Variants in NDST3 observed in about 807,000 individuals in gnomAD.
NDST3 encodes N-deacetylase and N-sulfotransferase 3, also known as bifunctional heparan sulfate N-deacetylase/N-sulfotransferase 3.
NDST3 carries 58 observed loss-of-function variants against 96.1 expected under a neutral mutation model. The observed-to-expected ratio is 0.60, with a 90% CI of 0.49 to 0.75. The LOEUF (loss-of-function observed/expected upper bound fraction) is 0.75. Ranked by LOEUF, NDST3 falls within the 30% of genes least tolerant of loss-of-function variation. The pLI is 0.00. For missense variants in NDST3, 788 were observed against 1,034.2 expected (o/e 0.76, Z 3.27); for synonymous variants, 333 against 359.7 (o/e 0.93, Z 0.84).
intron 6 of NDST3, among the ~76,000 whole-genome samples, chr4:118,218,540 C>T (rs937287579): frequency 1.5e-4 from 23 of 151,878 alleles, no homozygotes; most frequent in Non-Finnish European, 1.5e-5. Flanking sequence ...ATGGACTATA[C>T]CTCAAAATAA....
chr4:118,174,506 G>GA (rs2125941334), intron 6 of NDST3, among the ~76,000 whole-genome samples: 1 of 152,198 alleles, frequency 6.6e-6, no homozygotes, highest in South Asian at 2.1e-4. Context: ...TGGCTGGACT[G>GA]TGAACTAACT....
chr4:118,104,123 G>A (rs1245450533), intron 2 of NDST3, among the ~76,000 whole-genome samples: 1 of 152,134 alleles, frequency 6.6e-6, no homozygotes, highest in Non-Finnish European at 1.5e-5. Flanking sequence ...TTAAGGAAAG[G>A]GAGAAAGAAG....
intron 2 of NDST3, among the ~76,000 whole-genome samples, chr4:118,074,931 T>C (rs1363424610): frequency 6.6e-6 from 1 of 152,168 alleles, no homozygotes; most frequent in Non-Finnish European, 1.5e-5. Flanking sequence ...CTTTAAGTTC[T>C]AGGGTACATG....
At chr4:118,052,798 C>T (rs1725155152) in intron 1 of NDST3, among the ~76,000 whole-genome samples, 1 of 151,592 alleles carries the variant, frequency 6.6e-6, no homozygotes, top group Admixed American at 6.6e-5. Context: ...TGTAGAACAC[C>T]CAAATAAAAA....
At chr4:118,091,061 C>CA (rs546381851) in intron 2 of NDST3, among the ~76,000 whole-genome samples, 149 of 136,954 alleles carry the variant, frequency 1.1e-3, no homozygotes, top group African/African-American at 2.3e-3. Context: ...GACTCCATCT[C>CA]AAAAAAAAAA....
At chr4:118,161,219 A>G (rs10033918) in intron 6 of NDST3, among the ~76,000 whole-genome samples, 124,196 of 152,134 alleles carry the variant, frequency 0.82, 52,994 homozygotes, top group South Asian at 0.95. Flanking sequence ...CTGTCTGATC[A>G]TTCCTCTGGA....
chr4:118,253,369 G>A (rs1158670788), intron 12 of NDST3, 130 bp from the exon 13 acceptor site: 1 of 557,140 alleles, frequency 1.8e-6, no homozygotes, highest in South Asian at 3.0e-5. Flanking sequence ...AGTTTCTCTG[G>A]TTATAGATTG....
Position 118,054,117 on chromosome 4 carries a change from G to A in NDST3, c.207G>A (p.Lys69=), listed in dbSNP as rs538112559. The stretch of plus-strand genomic sequence containing the variant: ...AACTAATGGAAGTGAAAGCAATGAA[G>A]CTTTTTGATGCCTCAAGGACAGACC... The part of the protein sequence containing the change: ...PYQLMEVKAM[K]LFDASRTDPT... The change falls in exon 2 of 14, where the codon AAG becomes AAA. Residue 69 remains lysine, a synonymous_variant. Coordinates refer to ENST00000296499, the MANE Select transcript of NDST3 (RefSeq NM_004784.3). 5.0e-6 allele frequency: 8 copies of A among 1,612,880 alleles called. No individual in the cohort carries two copies. In the South Asian group the frequency reaches 8.8e-5, roughly 18 times the overall value.
intron 7 of NDST3, among the ~76,000 whole-genome samples, chr4:118,224,920 T>C (rs1313425508): frequency 6.6e-6 from 1 of 152,132 alleles, no homozygotes; most frequent in African/African-American, 2.4e-5. Flanking sequence ...TCAATGAATA[T>C]AACGTCTTCA....
chr4:118,238,215 GAA>G (rs1560738902), intron 10 of NDST3, among the ~76,000 whole-genome samples: 4 of 120,174 alleles, frequency 3.3e-5, no homozygotes, highest in Middle Eastern at 3.8e-3. Context: ...AAGAAAGAAA[GAA>G]AGAAAGAAAA....
intron 6 of NDST3, among the ~76,000 whole-genome samples, chr4:118,160,658 G>A (rs945147155): frequency 5.3e-5 from 8 of 151,952 alleles, no homozygotes; most frequent in Non-Finnish European, 8.8e-5. Context: ...CCAGTTGATC[G>A]CATCGGCTCC....
intron 4 of NDST3, among the ~76,000 whole-genome samples, chr4:118,135,515 T>G (rs1279837365): frequency 6.6e-6 from 1 of 152,174 alleles, no homozygotes; most frequent in Non-Finnish European, 1.5e-5. Context: ...AGAACTATAC[T>G]ATCTTCCAAA....
rs748768989 is a variant in NDST3, at chr4:118,255,731, G to T, written c.*19G>T. On this transcript the variant is annotated 3_prime_UTR_variant, in exon 14 of 14. Transcript: ENST00000296499. Reference sequence around the variant, plus strand: ...AAGATAGCACTGAGAGAAAACTTGAGACTTCATCGTCCATGTAGAACACAC... The same window carrying T: ...AAGATAGCACTGAGAGAAAACTTGATACTTCATCGTCCATGTAGAACACAC... 5 of 1,602,300 alleles carry T rather than the reference G, an allele frequency of 3.1e-6. No homozygotes were observed. Among genetic ancestry groups the T allele is most frequent in the Middle Eastern group, 3.3e-4 (2 of 6,020 alleles).
At chr4:118,183,999 T>TGGC (rs1168200942) in intron 6 of NDST3, among the ~76,000 whole-genome samples, 1 of 152,166 alleles carries the variant, frequency 6.6e-6, no homozygotes, top group Non-Finnish European at 1.5e-5. Flanking sequence ...GCTAGAAGGG[T>TGGC]GGCTCAGGCC....
intron 2 of NDST3, among the ~76,000 whole-genome samples, chr4:118,059,460 T>G (rs375687721): frequency 6.6e-6 from 1 of 152,090 alleles, no homozygotes; most frequent in Non-Finnish European, 1.5e-5. Context: ...CCAGAGTACC[T>G]AGAGAAAAGA....
chr4:118,067,897 T>A (rs771747059), intron 2 of NDST3, among the ~76,000 whole-genome samples: 1 of 151,460 alleles, frequency 6.6e-6, no homozygotes, highest in Non-Finnish European at 1.5e-5. Flanking sequence ...GTTCTACACA[T>A]GTATCCTGGA....
intron 4 of NDST3, among the ~76,000 whole-genome samples, chr4:118,119,494 C>T (rs1375216744): frequency 2.6e-5 from 4 of 152,042 alleles, no homozygotes; most frequent in Non-Finnish European, 4.4e-5. Context: ...GAATTCCAGT[C>T]GGGTTGCAAA....
At chr4:118,068,244 C>T (rs1349564359) in intron 2 of NDST3, among the ~76,000 whole-genome samples, 2 of 143,556 alleles carry the variant, frequency 1.4e-5, no homozygotes, top group Non-Finnish European at 3.0e-5. Context: ...CGGGCTCAAG[C>T]TCAGCCTTCC....
intron 4 of NDST3, among the ~76,000 whole-genome samples, chr4:118,116,623 C>G (rs935343832): frequency 6.6e-6 from 1 of 151,970 alleles, no homozygotes; most frequent in South Asian, 2.1e-4. Flanking sequence ...TTTGGGAGGC[C>G]GAGGTGGGCG....
Sources: gnomAD v4.1 joint callset for allele counts (sites outside exome capture counted in the v4.1 genomes callset) on GRCh38, gnomAD v4.1.1 for gene constraint, MANE v1.5 for transcripts, NCBI Gene and HGNC (gene_info 2026-07-23, HGNC 2026-07-21) for gene names.